The following LPP variants were observed in gnomAD, a reference collection of about 807,000 sequenced individuals.
LPP encodes the protein lipoma-preferred partner.
A neutral mutation model predicts 60.4 loss-of-function variants in LPP; 38 were observed. That is an observed-to-expected ratio of 0.63 (90% CI 0.49 to 0.83). The LOEUF (loss-of-function observed/expected upper bound fraction) is 0.83. LPP is among the 40% of genes least tolerant of loss of function. The pLI is 0.00. For missense variants in LPP, 902 were observed against 783.6 expected (o/e 1.15, Z -1.80); for synonymous variants, 328 against 290.8 (o/e 1.13, Z -1.30).
intron 2 of LPP, among the ~76,000 whole-genome samples, chr3:188,272,256 T>A (rs565039771): frequency 6.6e-6 from 1 of 152,316 alleles, no homozygotes; most frequent in East Asian, 1.9e-4. Context: ...AGCATGAATT[T>A]AATATATTTC....
chr3:188,546,105 C>T (rs1826584987), intron 6 of LPP, among the ~76,000 whole-genome samples: 1 of 152,032 alleles, frequency 6.6e-6, no homozygotes, highest in African/African-American at 2.4e-5. Flanking sequence ...TCACAACAAC[C>T]CTGTGATGAC....
At chr3:188,347,174 A>C (rs1764624880) in intron 3 of LPP, among the ~76,000 whole-genome samples, 1 of 152,206 alleles carries the variant, frequency 6.6e-6, no homozygotes, top group South Asian at 2.1e-4. Context: ...ATACCTCCAG[A>C]GATAACATTG....
intron 6 of LPP, among the ~76,000 whole-genome samples, chr3:188,539,605 T>G (rs1423147884): frequency 6.6e-6 from 1 of 152,166 alleles, no homozygotes; most frequent in African/African-American, 2.4e-5. Context: ...CACTCTGGTA[T>G]TTACAAGGTG....
rs568307659 is a variant in LPP at position 188,549,469 on chromosome 3, A to T, written c.429+24682A>T. 2.0e-5 allele frequency among the ~76,000 whole-genome samples: 3 copies of T among 152,316 alleles called. No homozygotes were observed. The South Asian group carries it at 6.2e-4, about 32-fold the overall frequency. On this transcript the variant is annotated intron_variant, in intron 6 of 11. Transcript: ENST00000617246. ...TCTATAGGAATAAAAGGATGTTAGC[A>T]TGACTGATAGTTCAGTGACCTGTAA... is the stretch of plus-strand genomic sequence containing the variant.
At chr3:188,354,100 CCTAA>C (rs1352847937) in intron 3 of LPP, among the ~76,000 whole-genome samples, 1 of 151,992 alleles carries the variant, frequency 6.6e-6, no homozygotes. Context: ...ATTATACTTT[CCTAA>C]CTTTTATAGG....
chr3:188,341,729 G>A lies in LPP; in HGVS notation c.-10+10G>A. ...GAGCCAGCTATCTGAGGTAAGAGAG[G>A]AGGCGTGTCTTCTTGTTTATGAAAT... On this transcript the variant is annotated intron_variant, in intron 3 of 11. Coordinates refer to ENST00000617246, the MANE Select transcript of LPP (RefSeq NM_001375462.1). 2.0e-6 allele frequency: 2 copies of A among 981,140 alleles called. No individual in the cohort carries two copies. Among genetic ancestry groups the A allele is most frequent in the South Asian group, 4.7e-5 (1 of 21,202 alleles). 60.8% of individuals were successfully genotyped at this position (981,140 alleles called of 1,614,324 possible). A position where few individuals can be genotyped will look rare whatever the true frequency, so the allele number is the denominator to read the frequency against.
intron 2 of LPP, among the ~76,000 whole-genome samples, chr3:188,318,753 C>CTTTTTTTTTTTTTTTTTT (rs10708836): frequency 1.9e-4 from 18 of 96,834 alleles, no homozygotes; most frequent in East Asian, 6.0e-4. Context: ...AATTATGATT[C>CTTTTTTTTTTTTTTTTTT]TTTTTTTTTT....
chr3:188,875,653 A>ACATTTT lies in LPP; in HGVS notation c.*1178_*1183dup, dbSNP rs1405688091. 1 of 203,484 alleles carries ACATTTT rather than the reference A, an allele frequency of 4.9e-6. No homozygotes were observed. Among genetic ancestry groups the ACATTTT allele is most frequent in the Non-Finnish European group, 1.0e-5 (1 of 99,070 alleles). 12.6% of individuals were successfully genotyped at this position (203,484 alleles called of 1,614,324 possible). On this transcript the variant is annotated 3_prime_UTR_variant, in exon 12 of 12. Coordinates refer to ENST00000617246, the MANE Select transcript of LPP (RefSeq NM_001375462.1). ...CAACTGAAATTACATATTGCAGGAG[A>ACATTTT]CATTTTCATATCATCAATGTGACAT...
chr3:188,179,589 C>T (rs1391255934), intron 1 of LPP: 1 of 420,614 alleles, frequency 2.4e-6, no homozygotes, highest in African/African-American at 2.1e-5. Context: ...CTCCTGCCAG[C>T]AGCATTCCTT....
chr3:188,728,671 A>G (rs1365805750), intron 8 of LPP, among the ~76,000 whole-genome samples: 4 of 152,202 alleles, frequency 2.6e-5, no homozygotes, highest in Non-Finnish European at 5.9e-5. Context: ...TTGATAACTG[A>G]ACAAATAACA....
intron 4 of LPP, among the ~76,000 whole-genome samples, chr3:188,408,939 A>C (rs1784296606): frequency 6.6e-6 from 1 of 152,102 alleles, no homozygotes; most frequent in African/African-American, 2.4e-5. Flanking sequence ...TGCATCCCTT[A>C]TAAGAATATA....
intron 3 of LPP, among the ~76,000 whole-genome samples, chr3:188,342,916 CT>C (rs1422370500): frequency 2.0e-5 from 3 of 151,842 alleles, no homozygotes; most frequent in Non-Finnish European, 4.4e-5. Flanking sequence ...CTTCTCATTC[CT>C]ACAAAAAAAG....
chr3:188,173,538 C>T (rs998021203), intron 1 of LPP, among the ~76,000 whole-genome samples: 1 of 151,696 alleles, frequency 6.6e-6, no homozygotes, highest in Non-Finnish European at 1.5e-5. Context: ...ACAAAAAAAA[C>T]CAACCTGGGC....
At chr3:188,630,572 A>C (rs1847676179) in intron 7 of LPP, among the ~76,000 whole-genome samples, 1 of 152,194 alleles carries the variant, frequency 6.6e-6, no homozygotes, top group African/African-American at 2.4e-5. Context: ...TTCTCAAAGA[A>C]TGTAAACTAG....
At chr3:188,746,325 T>C (rs897042025) in intron 8 of LPP, among the ~76,000 whole-genome samples, 5 of 152,172 alleles carry the variant, frequency 3.3e-5, no homozygotes, top group African/African-American at 1.2e-4. Flanking sequence ...ATGGGAAAAG[T>C]AACCTCAACA....
intron 5 of LPP, among the ~76,000 whole-genome samples, chr3:188,495,862 A>G (rs1041272540): frequency 1.3e-5 from 2 of 152,186 alleles, no homozygotes; most frequent in Admixed American, 1.3e-4. Context: ...CCAAAAACCT[A>G]GGGCACTAAC....
chr3:188,590,463 A>G (rs1838440040), intron 6 of LPP, among the ~76,000 whole-genome samples: 1 of 152,098 alleles, frequency 6.6e-6, no homozygotes, highest in Non-Finnish European at 1.5e-5. Context: ...AATCCCAGGT[A>G]CTCAGGAGGT....
intron 8 of LPP, among the ~76,000 whole-genome samples, chr3:188,751,790 A>C (rs1728153792): frequency 6.6e-6 from 1 of 152,192 alleles, no homozygotes. Flanking sequence ...ACTACATGAG[A>C]TAATACAATT....
chr3:188,878,900 G>A lies in LPP; in HGVS notation c.*4421G>A. 4.5e-6 allele frequency: 1 copy of A among 223,866 alleles called. No individual in the cohort carries two copies. The highest frequency in any genetic ancestry group is 8.9e-6 in the Non-Finnish European group (1 of 112,292). The allele number at this position is 223,866 out of a possible 1,614,324, so 13.9% of individuals were successfully genotyped here. ...AAATGAGTAAAACATTTTTATGCCAGAAGGTGATATAATGGATGTTAGTGT... is the reference window on the plus strand; with the variant it reads ...AAATGAGTAAAACATTTTTATGCCAAAAGGTGATATAATGGATGTTAGTGT... On this transcript the variant is annotated 3_prime_UTR_variant, in exon 12 of 12. Coordinates refer to ENST00000617246, the MANE Select transcript of LPP (RefSeq NM_001375462.1).
Sources: allele counts gnomAD v4.1 joint callset (sites outside exome capture counted in the v4.1 genomes callset), GRCh38; gene constraint gnomAD v4.1.1; transcripts MANE v1.5; gene names NCBI Gene and HGNC (gene_info 2026-07-23, HGNC 2026-07-21).